ACAN: variants seen among roughly 807,000 people sequenced by gnomAD.
The protein encoded by ACAN is aggrecan.
ACAN carries 47 observed loss-of-function variants against 169.1 expected under a neutral mutation model. That is an observed-to-expected ratio of 0.28 (90% CI 0.22 to 0.35). ACAN has a LOEUF of 0.35. Among genes scored for constraint, ACAN ranks in the 10% least tolerant of loss-of-function variants. The probability of loss-of-function intolerance (pLI) is 1.00; values close to 1 mark genes in which losing one functional copy is unlikely to be tolerated. For missense variants in ACAN, 2,716 were observed against 2,759.9 expected (o/e 0.98, Z 0.36); for synonymous variants, 1,115 against 1,112.2 (o/e 1.00, Z -0.05).
chr15:88,849,739 GC>G lies in ACAN; in HGVS notation c.2026+10del, dbSNP rs1567181462. 6.2e-7 allele frequency: 1 copy of G among 1,612,992 alleles called. No individual in the cohort carries two copies. Among genetic ancestry groups the G allele is most frequent in the South Asian group, 1.1e-5 (1 of 90,902 alleles). Reference sequence around the variant, plus strand: ...ATGCCTTCTGCTTCCGAGGTATGCAGCCTCACTTCGGCTCCAACAGCCCCTT... The same window carrying G: ...ATGCCTTCTGCTTCCGAGGTATGCAGCTCACTTCGGCTCCAACAGCCCCTT... On this transcript the variant is annotated intron_variant, in intron 10 of 18. Transcript: ENST00000560601. This position sits in a 1 kb window ranked among gnomAD's most constrained non-coding sequence, Gnocchi z 5.1.
chr15:88,859,332 C>T lies in ACAN; in HGVS notation c.6747C>T (p.His2249=), dbSNP rs1425338898. 4 of 1,606,158 alleles carry T rather than the reference C, an allele frequency of 2.5e-6. No homozygotes were observed. The highest frequency in any genetic ancestry group is 1.3e-5 in the African/African-American group (1 of 74,748). Reference sequence around the variant, plus strand: ...TCCTGTACTCAGGAGAAGAGACTCACACAGTCGAAACAGCCACCTCCCCAA... The same window carrying T: ...TCCTGTACTCAGGAGAAGAGACTCATACAGTCGAAACAGCCACCTCCCCAA... ...SSLLYSGEET[H]TVETATSPTD... is the part of the protein sequence containing the mutation. The change falls in exon 12 of 19, where the codon CAC becomes CAT. Residue 2249 remains histidine (H), a synonymous_variant. Coordinates refer to ENST00000560601, the MANE Select transcript of ACAN (RefSeq NM_001369268.1).
Position 88,871,368 on chromosome 15 carries a change from G to T in ACAN, c.7061-14G>T, listed in dbSNP as rs755447398. 1 of 1,613,696 alleles carries T rather than the reference G, an allele frequency of 6.2e-7. No individual in the cohort carries two copies. The highest frequency in any genetic ancestry group is 1.1e-5 in the South Asian group (1 of 91,068). On this transcript the variant is annotated splice_polypyrimidine_tract_variant and intron_variant, in intron 14 of 18. Coordinates refer to ENST00000560601, the MANE Select transcript of ACAN (RefSeq NM_001369268.1). The surrounding 1 kb of genome is among the most constrained non-coding windows in gnomAD (Gnocchi z 7.8). ...CCTCTGCCCCTCCCTTCAAGCCCCT[G>T]ACCTGTGTTGCAGACCAGGAGGTAT...
rs1197587292 is a variant in ACAN, at chr15:88,838,644, C to T, written c.71-19C>T. The T allele has an allele frequency of 6.4e-7, 1 of 1,559,334 alleles. No individual in the cohort carries two copies. Among genetic ancestry groups the T allele is most frequent in the Non-Finnish European group, 8.7e-7 (1 of 1,149,354 alleles). ...TAGGCACTAACAGGTCTCTCTTCTACCCCACCTCTCCCACACAGACCATGA... is the reference window on the plus strand; with the variant it reads ...TAGGCACTAACAGGTCTCTCTTCTATCCCACCTCTCCCACACAGACCATGA... On this transcript the variant is annotated intron_variant, in intron 2 of 18. Coordinates refer to ENST00000560601, the MANE Select transcript of ACAN (RefSeq NM_001369268.1). This position sits in a 1 kb window ranked among gnomAD's most constrained non-coding sequence, Gnocchi z 5.1.
At chr15:88,842,991 C>G (rs1421207622) in intron 5 of ACAN, among the ~76,000 whole-genome samples, 2 of 152,288 alleles carry the variant, frequency 1.3e-5, no homozygotes, top group East Asian at 3.9e-4. Flanking sequence ...AAGGATTTGC[C>G]TTGAGTAGGC....
chr15:88,827,362 T>C (rs1231489392), intron 1 of ACAN, among the ~76,000 whole-genome samples: 1 of 152,256 alleles, frequency 6.6e-6, no homozygotes, highest in Non-Finnish European at 1.5e-5. Context: ...CCCCATTGTT[T>C]GCTGTCACTG....
At position 88,847,932 on chromosome 15, in the gene ACAN, G is replaced by A; in HGVS notation, c.1626G>A (p.Arg542=). 1 of 1,613,826 alleles carries A rather than the reference G, an allele frequency of 6.2e-7. No individual in the cohort carries two copies. The highest frequency in any genetic ancestry group is 8.5e-7 in the Non-Finnish European group (1 of 1,179,786). The part of the protein sequence containing the change: ...QTVRYPIVSP[R]TPCVGDKDSS... ...GCAGATACCCCATTGTGAGCCCCCG[G>A]ACCCCATGCGTGGGTGACAAGGACA... is the stretch of plus-strand genomic sequence containing the variant. Residue 542 remains arginine (R), a synonymous_variant, in exon 9 of 19, where the codon CGG becomes CGA. Transcript: ENST00000560601.
intron 1 of ACAN, among the ~76,000 whole-genome samples, chr15:88,811,584 G>A (rs1348855678): frequency 1.3e-5 from 2 of 152,196 alleles, no homozygotes; most frequent in Non-Finnish European, 2.9e-5. Context: ...AACATTCAGT[G>A]GAGTTCACTG....
chr15:88,859,764 T>C (rs1456243797), intron 12 of ACAN, among the ~76,000 whole-genome samples: 1 of 152,240 alleles, frequency 6.6e-6, no homozygotes, highest in East Asian at 1.9e-4. Flanking sequence ...TATCTGTACT[T>C]GGCACAGGGA....
chr15:88,811,175 G>A (rs1895811883), intron 1 of ACAN, among the ~76,000 whole-genome samples: 1 of 152,218 alleles, frequency 6.6e-6, no homozygotes, highest in Non-Finnish European at 1.5e-5. Flanking sequence ...AGTCAAGGAT[G>A]AACAAAATTA....
chr15:88,865,192 A>G (rs1233217533), intron 13 of ACAN, among the ~76,000 whole-genome samples: 1 of 152,130 alleles, frequency 6.6e-6, no homozygotes, highest in Non-Finnish European at 1.5e-5. Flanking sequence ...TGGGAAGAGG[A>G]CCCTGAGAAT....
chr15:88,815,124 TG>T (rs911381541), intron 1 of ACAN, among the ~76,000 whole-genome samples: 2 of 152,016 alleles, frequency 1.3e-5, no homozygotes, highest in Non-Finnish European at 2.9e-5. Flanking sequence ...AGGGAGGATC[TG>T]GAATATGGTT....
chr15:88,855,099 G>A lies in ACAN; in HGVS notation c.2514G>A (p.Ser838=), dbSNP rs3743399. ...EPSPSEEPSA[S]EEPYTPSPPV... ...CCCCCTCAGAGGAACCATCAGCCTCGGAAGAGCCGTATACACCTTCACCCC... is the reference window on the plus strand; with the variant it reads ...CCCCCTCAGAGGAACCATCAGCCTCAGAAGAGCCGTATACACCTTCACCCC... The change falls in exon 12 of 19, where the codon TCG becomes TCA. Residue 838 remains serine, a synonymous_variant. Transcript: ENST00000560601. The A allele has an allele frequency of 0.8, 1,277,459 of 1,594,828 alleles. 518,989 individuals are homozygous for A. The highest frequency in any genetic ancestry group is 0.97 in the African/African-American group (71,897 of 74,464).
Position 88,849,445 on chromosome 15 carries a change from G to A in ACAN, c.1740G>A (p.Val580=). ...CCTTGCCTCTGCCCCCAGGGGAGGT[G>A]TTCTTCGCCACACGCCTTGAGCAGT... is the stretch of plus-strand genomic sequence containing the variant. The part of the protein sequence containing the change: ...YCFVDRLEGE[V]FFATRLEQFT... Residue 580 remains valine (V), a synonymous_variant, in exon 10 of 19, where the codon GTG becomes GTA. Transcript: ENST00000560601. This position sits in a 1 kb window ranked among gnomAD's most constrained non-coding sequence, Gnocchi z 5.1. 6.3e-7 allele frequency: 1 copy of A among 1,588,206 alleles called. No homozygotes were observed. The highest frequency in any genetic ancestry group is 1.1e-5 in the South Asian group (1 of 88,190).
chr15:88,853,503 T>C (rs1040289618), intron 11 of ACAN, among the ~76,000 whole-genome samples: 2 of 152,050 alleles, frequency 1.3e-5, no homozygotes, highest in East Asian at 3.9e-4. Flanking sequence ...CCAGGTGTGG[T>C]GGCACGCACC....
At chr15:88,834,695 GAAC>G (rs1896457375) in intron 1 of ACAN, among the ~76,000 whole-genome samples, 1 of 152,240 alleles carries the variant, frequency 6.6e-6, no homozygotes, top group Non-Finnish European at 1.5e-5. Flanking sequence ...CCATCCAACA[GAAC>G]AACTCGGGGA....
rs555819123 is a variant in ACAN at position 88,814,243 on chromosome 15, A to G, written c.-8+10434A>G. On this transcript the variant is annotated intron_variant, in intron 1 of 18. Coordinates refer to ENST00000560601, the MANE Select transcript of ACAN (RefSeq NM_001369268.1). This position sits in a 1 kb window ranked among gnomAD's most constrained non-coding sequence, Gnocchi z 4.0. ...TTTGTTGGGAGGGTAAAATGAGATA[A>G]TATAGCTAAACCACAGTACCTCCCA... Among the ~76,000 whole-genome samples, 79 of 152,316 alleles carry G rather than the reference A, an allele frequency of 5.2e-4. No individual in the cohort carries two copies. The South Asian group carries it at 0.016, about 30-fold the overall frequency.
intron 1 of ACAN, among the ~76,000 whole-genome samples, chr15:88,825,170 A>G (rs1426048471): frequency 2.0e-5 from 3 of 152,302 alleles, no homozygotes; most frequent in Non-Finnish European, 4.4e-5. Context: ...ATGGGGCCTC[A>G]CAGGCCCTGG....
At chr15:88,842,942 C>A (rs1457224775) in intron 5 of ACAN, among the ~76,000 whole-genome samples, 6 of 152,312 alleles carry the variant, frequency 3.9e-5, no homozygotes, top group African/African-American at 1.4e-4. Flanking sequence ...GGCTCAAGGT[C>A]TGATGCCTGC....
At position 88,851,963 on chromosome 15, in the gene ACAN, C is replaced by T. The variant is rs372515989; in HGVS notation, c.2196C>T (p.Phe732=). Residue 732 remains phenylalanine (F), a synonymous_variant, in exon 11 of 19, where the codon TTC becomes TTT. Transcript: ENST00000560601. The surrounding 1 kb of genome is among the most constrained non-coding windows in gnomAD (Gnocchi z 4.3). ...GGGAGACTACTGCCATCCTAGAGTT[C>T]ACCACCGAGCCAGAAAACCAGACAG... The part of the protein sequence containing the change: ...PSGETTAILE[F]TTEPENQTEW... 3 of 1,612,098 alleles carry T rather than the reference C, an allele frequency of 1.9e-6. No homozygotes were observed. In the African/African-American group the frequency reaches 4.0e-5, roughly 22 times the overall value.
Sources: allele counts gnomAD v4.1 joint callset (sites outside exome capture counted in the v4.1 genomes callset), GRCh38; gene constraint gnomAD v4.1.1; non-coding constraint Gnocchi (gnomAD v3.1); transcripts MANE v1.5; gene names NCBI Gene and HGNC (gene_info 2026-07-23, HGNC 2026-07-21).